QPCT: variants seen among roughly 807,000 people sequenced by gnomAD.
The protein encoded by QPCT is EC.
A neutral mutation model predicts 43.4 loss-of-function variants in QPCT; 44 were observed. That is an observed-to-expected ratio of 1.01 (90% CI 0.80 to 1.30). QPCT has a LOEUF of 1.30. Ranked by LOEUF, QPCT falls within the 50% of genes most tolerant of loss-of-function variation. The probability of loss-of-function intolerance (pLI) is 0.00; values close to 1 mark genes in which losing one functional copy is unlikely to be tolerated. For missense variants in QPCT, 526 were observed against 436.5 expected (o/e 1.21, Z -1.83); for synonymous variants, 168 against 168.4 (o/e 1.00, Z 0.02).
rs1673112485 is a variant in QPCT, at chr2:37,372,913, T to C, written c.*86T>C. On this transcript the variant is annotated 3_prime_UTR_variant, in exon 7 of 7. Coordinates refer to ENST00000338415, the MANE Select transcript of QPCT (RefSeq NM_012413.4). ...TTAAAATAATCTGATTTCAGACAAA[T>C]GCTGTGTGGAAACATCTATCCTATA... The C allele has an allele frequency of 8.1e-7, 1 of 1,229,316 alleles. No homozygotes were observed. The highest frequency in any genetic ancestry group is 2.5e-5 in the Admixed American group (1 of 40,214). The allele number at this position is 1,229,316 out of a possible 1,614,324, so 76.2% of individuals were successfully genotyped here. A position where few individuals can be genotyped will look rare whatever the true frequency, so the allele number is the denominator to read the frequency against.
chr2:37,350,117 T>A (rs1466942561), intron 1 of QPCT, among the ~76,000 whole-genome samples: 1 of 151,792 alleles, frequency 6.6e-6, no homozygotes, highest in African/African-American at 2.4e-5. Flanking sequence ...TGAGCAGGAG[T>A]TAGCCAGGTG....
At chr2:37,365,048 T>A (rs62133301) in intron 3 of QPCT, among the ~76,000 whole-genome samples, 2 of 148,924 alleles carry the variant, frequency 1.3e-5, no homozygotes, top group African/African-American at 4.9e-5. Flanking sequence ...TTAAAAATTT[T>A]ATATATATAA....
chr2:37,367,798 G>T (rs1258476388), intron 4 of QPCT, among the ~76,000 whole-genome samples: 1 of 152,176 alleles, frequency 6.6e-6, no homozygotes, highest in South Asian at 2.1e-4. Flanking sequence ...GAGCCCAGGA[G>T]TTCGAGGCTG....
At chr2:37,360,043 G>C in intron 3 of QPCT, 185 bp downstream of exon 3, 3 of 650,270 alleles carry the variant, frequency 4.6e-6, no homozygotes, top group Non-Finnish European at 7.7e-6. Flanking sequence ...ATAAACCTAA[G>C]ATACGTGACA....
At chr2:37,364,906 G>C (rs1672931615) in intron 3 of QPCT, among the ~76,000 whole-genome samples, 1 of 150,748 alleles carries the variant, frequency 6.6e-6, no homozygotes, top group Admixed American at 6.6e-5. Context: ...TGTTGTGTGT[G>C]TGTATTATTA....
intron 1 of QPCT, among the ~76,000 whole-genome samples, chr2:37,349,719 C>G (rs1295082553): frequency 6.6e-6 from 1 of 152,176 alleles, no homozygotes; most frequent in Non-Finnish European, 1.5e-5. Flanking sequence ...AAGAGCAAAG[C>G]CCAATAACAT....
chr2:37,354,234 C>T (rs921616875), intron 2 of QPCT, among the ~76,000 whole-genome samples: 2 of 152,204 alleles, frequency 1.3e-5, no homozygotes, highest in Non-Finnish European at 2.9e-5. Flanking sequence ...ATGTCTGTGT[C>T]CCCATTAGCC....
intron 2 of QPCT, among the ~76,000 whole-genome samples, chr2:37,358,505 A>T (rs1345450233): frequency 6.6e-6 from 1 of 152,174 alleles, no homozygotes. Context: ...AAGTGAAGCC[A>T]AGATAAAATA....
rs377205202 is a variant in QPCT at position 37,369,877 on chromosome 2, C to A, written c.823+93C>A. 5.1e-6 allele frequency: 6 copies of A among 1,175,072 alleles called. No individual in the cohort carries two copies. In the South Asian group the frequency reaches 6.4e-5, roughly 13 times the overall value. 72.8% of individuals were successfully genotyped at this position (1,175,072 alleles called of 1,614,324 possible). ...ATTTAAAATTTATAATTTGGCTGGG[C>A]GCAGTGGCTCACACCTGTAATCCTA... On this transcript the variant is annotated intron_variant, in intron 5 of 6. Transcript: ENST00000338415.
At chr2:37,347,164 A>AT (rs555548922) in intron 1 of QPCT, among the ~76,000 whole-genome samples, 2,754 of 28,786 alleles carry the variant, frequency 0.096, 513 homozygotes, top group East Asian at 0.27. Context: ...ATATATATAT[A>AT]ACATATATAT....
Position 37,347,153 on chromosome 2 carries a change from T to TATATATATATATATATATATATATATC in QPCT, c.120+2313_120+2314insTATATATATATATATCATATATATATA, listed in dbSNP as rs1411776943. Among the ~76,000 whole-genome samples the TATATATATATATATATATATATATATC allele has an allele frequency of 6.1e-4, 35 of 57,100 alleles. 7 individuals carry two copies. The highest frequency in any genetic ancestry group is 1.7e-3 in the South Asian group (3 of 1,782). 37.5% of individuals were successfully genotyped at this position (57,100 alleles called of 152,430 possible). A position where few individuals can be genotyped will look rare whatever the true frequency, so the allele number is the denominator to read the frequency against. On this transcript the variant is annotated intron_variant, in intron 1 of 6. Transcript: ENST00000338415. ...CTGGGTATGGGGTGTTTTATATATATATATATATATAACATATATATATAT... is the reference window on the plus strand; with the variant it reads ...CTGGGTATGGGGTGTTTTATATATATATATATATATATATATATATATATATCATATATATATAACATATATATATAT...
intron 1 of QPCT, among the ~76,000 whole-genome samples, chr2:37,347,448 C>T (rs545715190): frequency 2.0e-5 from 3 of 151,248 alleles, no homozygotes; most frequent in South Asian, 2.1e-4. Context: ...CTGATGTACC[C>T]GGAACAGTGC....
At chr2:37,372,615 G>T in intron 6 of QPCT, 67 bp from the exon 7 acceptor site, 1 of 1,547,642 alleles carries the variant, frequency 6.5e-7, no homozygotes, top group Non-Finnish European at 8.9e-7. Context: ...TCTGCTTGAA[G>T]AATGACCCTT....
chr2:37,347,144 T>TTTTATATATATATATATA (rs1389307350), intron 1 of QPCT, among the ~76,000 whole-genome samples: 1 of 55,344 alleles, frequency 1.8e-5, no homozygotes, highest in Non-Finnish European at 2.9e-5. Flanking sequence ...ATGGGGTGTT[T>TTTTATATATATATATATA]TATATATATA....
At position 37,372,569 on chromosome 2, in the gene QPCT, G is replaced by A. The variant is rs116508663; in HGVS notation, c.940+97G>A. The A allele has an allele frequency of 9.3e-4, 1,358 of 1,454,144 alleles. 14 individuals carry two copies. In the African/African-American group the frequency reaches 0.017, roughly 18 times the overall value. 90.1% of individuals were successfully genotyped at this position (1,454,144 alleles called of 1,614,324 possible). A position where few individuals can be genotyped will look rare whatever the true frequency, so the allele number is the denominator to read the frequency against. On this transcript the variant is annotated intron_variant, in intron 6 of 6. Transcript: ENST00000338415. ...TATGAGAAAGTACACAGATGATGAT[G>A]AATTATCAGCTGTCTTTATGTGGTA...
chr2:37,350,365 G>A (rs759176134), intron 1 of QPCT, among the ~76,000 whole-genome samples: 19 of 152,188 alleles, frequency 1.2e-4, no homozygotes, highest in Non-Finnish European at 1.9e-4. Context: ...CATTTCTATT[G>A]CTTTGTCTTT....
intron 5 of QPCT, 45 bp from the exon 6 acceptor site, chr2:37,372,311 A>G: frequency 7.6e-7 from 1 of 1,312,682 alleles, no homozygotes; most frequent in Admixed American, 1.7e-5. Context: ...GAGTCTTGAT[A>G]AGATAAAAAT....
intron 2 of QPCT, among the ~76,000 whole-genome samples, chr2:37,355,873 A>G (rs923482949): frequency 1.3e-5 from 2 of 152,162 alleles, no homozygotes; most frequent in African/African-American, 4.8e-5. Flanking sequence ...CCACAGGTGC[A>G]CAGTGCATCT....
At chr2:37,365,001 A>T (rs1186495714) in intron 3 of QPCT, among the ~76,000 whole-genome samples, 1 of 147,480 alleles carries the variant, frequency 6.8e-6, no homozygotes, top group Non-Finnish European at 1.5e-5. Flanking sequence ...CGCCTCTACA[A>T]TATTATTATT....
Sources: allele counts gnomAD v4.1 joint callset (sites outside exome capture counted in the v4.1 genomes callset), GRCh38; gene constraint gnomAD v4.1.1; transcripts MANE v1.5; gene names NCBI Gene and HGNC (gene_info 2026-07-23, HGNC 2026-07-21).